Variants in PIEZO2 observed in about 807,000 individuals in gnomAD.
The protein encoded by PIEZO2 is piezo-type mechanosensitive ion channel component 2.
Under a neutral mutation model 337.3 loss-of-function variants are expected in PIEZO2, and 172 were observed. That is an observed-to-expected ratio of 0.51 (90% CI 0.45 to 0.58). The LOEUF is 0.58. PIEZO2 is among the 20% of genes least tolerant of loss of function. The pLI, the probability that PIEZO2 is intolerant of heterozygous loss-of-function variation, is 0.00. For synonymous variants in PIEZO2, 1,251 were observed against 1,228.5 expected (o/e 1.02, Z -0.38); for missense variants, 3,028 against 3,391.3 (o/e 0.89, Z 2.66).
At chr18:10,934,175 T>C (rs1403617725) in intron 3 of PIEZO2, among the ~76,000 whole-genome samples, 3 of 152,244 alleles carry the variant, frequency 2.0e-5, no homozygotes, top group African/African-American at 7.2e-5. Context: ...TGAGATTCCA[T>C]TAAAGTGCTT....
In PIEZO2 at chr18:10,855,989, T is replaced by G. The variant is rs2041693386; in HGVS notation, c.704-423A>C. Among the ~76,000 whole-genome samples, 1 of 151,278 alleles carries G rather than the reference T, an allele frequency of 6.6e-6. No individual in the cohort carries two copies. The highest frequency in any genetic ancestry group is 1.5e-5 in the Non-Finnish European group (1 of 67,840). On this transcript the variant is annotated intron_variant, in intron 6 of 55. Coordinates refer to ENST00000674853, the MANE Select transcript of PIEZO2 (RefSeq NM_001378183.1). The surrounding 1 kb of genome is among the most constrained non-coding windows in gnomAD (Gnocchi z 4.9). Reference sequence around the variant, plus strand: ...ATAATAATTTACTACTTTTTTTTTTTAAGTTAACTAGTACATCCTGGCCAA... The same window carrying G: ...ATAATAATTTACTACTTTTTTTTTTGAAGTTAACTAGTACATCCTGGCCAA...
intron 2 of PIEZO2, among the ~76,000 whole-genome samples, chr18:11,019,961 A>G (rs1051209964): frequency 3.6e-4 from 55 of 152,224 alleles, no homozygotes; most frequent in African/African-American, 1.2e-3. Context: ...GAGCACATGT[A>G]CAATAAGTGT....
intron 2 of PIEZO2, among the ~76,000 whole-genome samples, chr18:10,995,969 G>T (rs374567763): frequency 6.6e-6 from 1 of 152,066 alleles, no homozygotes; most frequent in African/African-American, 2.4e-5. Context: ...TGTCATAAAA[G>T]AAAACAAATA....
At chr18:11,045,058 G>T (rs956046077) in intron 2 of PIEZO2, among the ~76,000 whole-genome samples, 2 of 151,884 alleles carry the variant, frequency 1.3e-5, no homozygotes, top group Non-Finnish European at 2.9e-5. Flanking sequence ...CACTTTGGGA[G>T]GCCAAAGTGG....
intron 1 of PIEZO2, among the ~76,000 whole-genome samples, chr18:11,072,038 C>T (rs1487290450): frequency 6.6e-6 from 1 of 151,876 alleles, no homozygotes; most frequent in East Asian, 2.0e-4. Flanking sequence ...TCACATGCTT[C>T]CCCTCCTGGA....
Position 11,103,503 on chromosome 18 carries a change from C to T in PIEZO2, c.65-37281G>A, listed in dbSNP as rs7226447. ...AAAAATCATTTTATAAAGAACATTG[C>T]TCTGTGTGATTTCAGTTTAAACCAA... On this transcript the variant is annotated intron_variant, in intron 1 of 55. Coordinates refer to ENST00000674853, the MANE Select transcript of PIEZO2 (RefSeq NM_001378183.1). Among the ~76,000 whole-genome samples, 1,221 of 152,274 alleles carry T rather than the reference C, an allele frequency of 8.0e-3. 17 individuals carry two copies. Among genetic ancestry groups the T allele is most frequent in the African/African-American group, 0.028 (1,145 of 41,560 alleles).
intron 8 of PIEZO2, among the ~76,000 whole-genome samples, chr18:10,805,912 C>T (rs2039988005): frequency 3.9e-5 from 6 of 152,230 alleles, no homozygotes; most frequent in Admixed American, 3.9e-4. Context: ...AGCCATGCGC[C>T]TCCTGCAGTT....
chr18:10,707,961 G>A lies in PIEZO2; in HGVS notation c.5588+314C>T, dbSNP rs2035654597. Among the ~76,000 whole-genome samples, 1 of 152,136 alleles carries A rather than the reference G, an allele frequency of 6.6e-6. No individual in the cohort carries two copies. The highest frequency in any genetic ancestry group is 2.4e-5 in the African/African-American group (1 of 41,416). On this transcript the variant is annotated intron_variant, in intron 40 of 55. Coordinates refer to ENST00000674853, the MANE Select transcript of PIEZO2 (RefSeq NM_001378183.1). This position sits in a 1 kb window ranked among gnomAD's most constrained non-coding sequence, Gnocchi z 4.2. ...GTGCCCTCAGAAGCTCTAAATTATG[G>A]AGGAAACATGCTTATGTCTCTGAAA...
At chr18:10,873,905 T>C (rs139583537) in intron 4 of PIEZO2, among the ~76,000 whole-genome samples, 451 of 152,252 alleles carry the variant, frequency 3.0e-3, no homozygotes, top group African/African-American at 9.9e-3. Context: ...AACATTAGTC[T>C]GGACAAAGAT....
intron 4 of PIEZO2, among the ~76,000 whole-genome samples, chr18:10,880,845 TCATATATATATATATATA>T (rs2042391569): frequency 1.3e-5 from 1 of 75,866 alleles, no homozygotes; most frequent in African/African-American, 5.5e-5. Context: ...TTCCCACATA[TCATATATATATATATATA>T]TATATATATA....
In PIEZO2 at chr18:11,129,950, G is replaced by T. The variant is rs1179618932; in HGVS notation, c.64+18575C>A. 1.3e-5 allele frequency among the ~76,000 whole-genome samples: 2 copies of T among 152,146 alleles called. No homozygotes were observed. On this transcript the variant is annotated intron_variant, in intron 1 of 55. Transcript: ENST00000674853. This position sits in a 1 kb window ranked among gnomAD's most constrained non-coding sequence, Gnocchi z 4.6. ...TTCCCCAATGCCAGAATGCATAATT[G>T]ACATAGACATACTCAGCAGCTGGCA...
At chr18:10,949,818 C>A (rs977871583) in intron 3 of PIEZO2, among the ~76,000 whole-genome samples, 2 of 152,188 alleles carry the variant, frequency 1.3e-5, no homozygotes, top group Non-Finnish European at 2.9e-5. Context: ...CAAAGTGATG[C>A]CTCTCCTATT....
chr18:10,956,010 G>C (rs1663652161), intron 3 of PIEZO2, among the ~76,000 whole-genome samples: 1 of 152,140 alleles, frequency 6.6e-6, no homozygotes, highest in African/African-American at 2.4e-5. Context: ...TCTTTGGGGA[G>C]GGAGCAGTCC....
intron 7 of PIEZO2, among the ~76,000 whole-genome samples, chr18:10,807,962 A>G (rs1210166632): frequency 1.3e-5 from 2 of 152,190 alleles, no homozygotes; most frequent in Non-Finnish European, 2.9e-5. Context: ...ATAATGGAAA[A>G]CTGTGTAAAA....
In PIEZO2 at chr18:10,800,462, G is replaced by A. The variant is rs1568072927; in HGVS notation, c.1253C>T (p.Thr418Ile). The change falls in exon 11 of 56, where the codon ACT (threonine) becomes ATT (isoleucine). Residue 418 changes from threonine to isoleucine, a missense_variant. This residue lies in a region of PIEZO2 where 542 missense variants were observed against 605.6 expected (regional missense o/e 0.89). Coordinates refer to ENST00000674853, the MANE Select transcript of PIEZO2 (RefSeq NM_001378183.1). ...DYKPSDGLLVTVNGNPVDYHT... is the reference protein window; with the variant it reads ...DYKPSDGLLVIVNGNPVDYHT... ...GTAATCCACGGGGTTGCCGTTCACA[G>A]TCACCAGCAGGCCCTGCCGGGAGTG... The A allele has an allele frequency of 1.3e-6, 2 of 1,532,372 alleles. No homozygotes were observed. Among genetic ancestry groups the A allele is most frequent in the East Asian group, 4.9e-5 (2 of 40,620 alleles). The allele number at this position is 1,532,372 out of a possible 1,614,324, so 94.9% of individuals were successfully genotyped here. A position where few individuals can be genotyped will look rare whatever the true frequency, so the allele number is the denominator to read the frequency against.
chr18:10,728,755 A>T (rs962789554), intron 36 of PIEZO2, among the ~76,000 whole-genome samples: 1 of 151,988 alleles, frequency 6.6e-6, no homozygotes, highest in African/African-American at 2.4e-5. Context: ...GAAGATCGAG[A>T]CCATCCTGGC....
intron 3 of PIEZO2, among the ~76,000 whole-genome samples, chr18:10,916,505 C>T (rs950158122): frequency 3.3e-5 from 5 of 152,182 alleles, no homozygotes; most frequent in Admixed American, 2.0e-4. Flanking sequence ...ACCCAGTTCC[C>T]CCTCCACACC....
In PIEZO2 at chr18:10,773,692, G is replaced by A. The variant is rs1433875622; in HGVS notation, c.2568-63C>T. 8 of 1,427,128 alleles carry A rather than the reference G, an allele frequency of 5.6e-6. No homozygotes were observed. Among genetic ancestry groups the A allele is most frequent in the Non-Finnish European group, 7.6e-6 (8 of 1,048,742 alleles). 88.4% of individuals were successfully genotyped at this position (1,427,128 alleles called of 1,614,324 possible). A position where few individuals can be genotyped will look rare whatever the true frequency, so the allele number is the denominator to read the frequency against. On this transcript the variant is annotated intron_variant, in intron 19 of 55. Transcript: ENST00000674853. The surrounding 1 kb of genome is among the most constrained non-coding windows in gnomAD (Gnocchi z 5.3). The stretch of plus-strand genomic sequence containing the variant: ...GTGTTGGGAGAGATTTGACTGAGGG[G>A]CAAGTAAAAGGAGGATAAACACAAA...
intron 30 of PIEZO2, among the ~76,000 whole-genome samples, chr18:10,747,902 A>G (rs2037489712): frequency 6.6e-6 from 1 of 152,166 alleles, no homozygotes; most frequent in African/African-American, 2.4e-5. Flanking sequence ...TCTGAGAGGA[A>G]CATACACAGC....
Sources: gnomAD v4.1 joint callset for allele counts (sites outside exome capture counted in the v4.1 genomes callset) on GRCh38, gnomAD v4.1.1 for gene constraint, gnomAD v4.1.1 regional missense constraint, Gnocchi (gnomAD v3.1) non-coding constraint, MANE v1.5 for transcripts, NCBI Gene and HGNC (gene_info 2026-07-23, HGNC 2026-07-21) for gene names.